The following ELF2 variants were observed in gnomAD, a reference collection of about 807,000 sequenced individuals.
ELF2 encodes ETS-related transcription factor Elf-2.
In ELF2, 11 loss-of-function variants were observed where a neutral mutation model predicts 54.8. The ratio of observed to expected loss-of-function variants is 0.20; its 90% CI spans 0.13 to 0.33. The LOEUF is 0.33. Among genes scored for constraint, ELF2 ranks in the 10% least tolerant of loss-of-function variants. ELF2 has a pLI of 1.00. For missense variants in ELF2, 513 were observed against 703.0 expected (o/e 0.73, Z 3.06); for synonymous variants, 203 against 245.1 (o/e 0.83, Z 1.61).
At chr4:139,073,374 G>T in intron 5 of ELF2, 80 bp downstream of exon 5, 2 of 881,164 alleles carry the variant, frequency 2.3e-6, no homozygotes, top group Non-Finnish European at 1.6e-6. Flanking sequence ...AATTCCATTG[G>T]ATTAAAAAAA....
At chr4:139,089,366 A>C (rs927845597) in intron 4 of ELF2, among the ~76,000 whole-genome samples, 1 of 152,164 alleles carries the variant, frequency 6.6e-6, no homozygotes, top group Non-Finnish European at 1.5e-5. Flanking sequence ...CCCCTTCTCA[A>C]CCAGAACCTG....
Position 139,139,485 on chromosome 4 carries a change from T to C in ELF2, c.-239A>G, listed in dbSNP as rs905749514. On this transcript the variant is annotated 5_prime_UTR_variant, in exon 2 of 10. Coordinates refer to ENST00000686138, the MANE Select transcript of ELF2 (RefSeq NM_001331036.3). ...TGGGAAGAGCTAAAATCTGAACCAG[T>C]AGTTCTTTGGAACTGCCAGCGGGAG... 5 of 1,229,010 alleles carry C rather than the reference T, an allele frequency of 4.1e-6. No homozygotes were observed. The highest frequency in any genetic ancestry group is 3.2e-5 in the East Asian group (1 of 31,468). 76.1% of individuals were successfully genotyped at this position (1,229,010 alleles called of 1,614,324 possible).
chr4:139,089,079 ATACT>A (rs1333204037), intron 4 of ELF2, among the ~76,000 whole-genome samples: 1 of 152,238 alleles, frequency 6.6e-6, no homozygotes, highest in Non-Finnish European at 1.5e-5. Flanking sequence ...TACTATTTCT[ATACT>A]GATTCAAAAA....
At chr4:139,084,103 T>C in intron 4 of ELF2, 2 of 1,612,930 alleles carry the variant, frequency 1.2e-6, no homozygotes, top group Non-Finnish European at 8.5e-7. Context: ...GCTGCACCGA[T>C]GCACGGGAGA....
At chr4:139,073,795 T>C (rs1729872768) in intron 4 of ELF2, 1 of 238,996 alleles carries the variant, frequency 4.2e-6, no homozygotes, top group Non-Finnish European at 7.9e-6. Flanking sequence ...TGATATAAAA[T>C]GAATATTGAT....
chr4:139,146,372 T>C lies in ELF2; in HGVS notation c.-251-6875A>G, dbSNP rs139743850. Among the ~76,000 whole-genome samples the C allele has an allele frequency of 2.6e-3, 390 of 152,200 alleles. 2 individuals are homozygous for C. The highest frequency in any genetic ancestry group is 9.1e-3 in the African/African-American group (377 of 41,552). On this transcript the variant is annotated intron_variant, in intron 1 of 9. Coordinates refer to ENST00000686138, the MANE Select transcript of ELF2 (RefSeq NM_001331036.3). Reference sequence around the variant, plus strand: ...CTACAAACACTGATGAAAGAAACCATAGATAACACAAACAAATGGAAACAC... The same window carrying C: ...CTACAAACACTGATGAAAGAAACCACAGATAACACAAACAAATGGAAACAC...
intron 1 of ELF2, among the ~76,000 whole-genome samples, chr4:139,158,063 C>T (rs1275247599): frequency 1.3e-5 from 2 of 151,874 alleles, no homozygotes; most frequent in South Asian, 2.1e-4. Flanking sequence ...GGGCTGAGTC[C>T]GAAGAAAGAG....
intron 4 of ELF2, among the ~76,000 whole-genome samples, chr4:139,080,622 CAAAT>C (rs1466915548): frequency 2.0e-5 from 3 of 151,900 alleles, no homozygotes; most frequent in Non-Finnish European, 4.4e-5. Flanking sequence ...TAAGAAAAGA[CAAAT>C]AAAGGAAAAA....
chr4:139,074,658 G>T (rs1403457027), intron 4 of ELF2, among the ~76,000 whole-genome samples: 1 of 151,890 alleles, frequency 6.6e-6, no homozygotes, highest in Non-Finnish European at 1.5e-5. Flanking sequence ...TACTCAGGAG[G>T]CTGAGGCAGG....
rs1301186719 is a variant in ELF2, at chr4:139,058,919, C to T, written c.*64G>A. ...CTTCTTTGACTTTTCTTGATGACTT[C>T]CCTTGCAAATGTTTATGTCAGTACT... is the stretch of plus-strand genomic sequence containing the variant. On this transcript the variant is annotated 3_prime_UTR_variant, in exon 10 of 10. Transcript: ENST00000686138. 2 of 1,513,090 alleles carry T rather than the reference C, an allele frequency of 1.3e-6. No homozygotes were observed. Among genetic ancestry groups the T allele is most frequent in the Admixed American group, 4.6e-5 (2 of 43,142 alleles). 93.7% of individuals were successfully genotyped at this position (1,513,090 alleles called of 1,614,324 possible). A position where few individuals can be genotyped will look rare whatever the true frequency, so the allele number is the denominator to read the frequency against.
intron 1 of ELF2, among the ~76,000 whole-genome samples, chr4:139,151,621 A>G (rs1446426364): frequency 6.6e-6 from 1 of 152,158 alleles, no homozygotes; most frequent in Admixed American, 6.6e-5. Context: ...GCCATCCTTG[A>G]GCTATTATTT....
intron 1 of ELF2, among the ~76,000 whole-genome samples, chr4:139,173,534 G>A (rs575514536): frequency 4.1e-4 from 63 of 151,864 alleles, no homozygotes; most frequent in Admixed American, 1.1e-3. Context: ...CGAGGCAGGC[G>A]GATCATGAGG....
chr4:139,086,038 C>A (rs1454328650), intron 4 of ELF2, among the ~76,000 whole-genome samples: 1 of 151,850 alleles, frequency 6.6e-6, no homozygotes, highest in Non-Finnish European at 1.5e-5. Flanking sequence ...AAACAGTCTT[C>A]TATAAAATTT....
At chr4:139,106,865 T>A (rs1443614186) in intron 4 of ELF2, among the ~76,000 whole-genome samples, 1 of 150,282 alleles carries the variant, frequency 6.7e-6, no homozygotes, top group Admixed American at 6.7e-5. Flanking sequence ...TGTCTCAGCC[T>A]CCCAAGCGGC....
At chr4:139,170,850 G>C (rs966486122) in intron 1 of ELF2, among the ~76,000 whole-genome samples, 1 of 151,800 alleles carries the variant, frequency 6.6e-6, no homozygotes, top group Non-Finnish European at 1.5e-5. Flanking sequence ...GGTTTATGCA[G>C]TTCTCCTACC....
At chr4:139,092,394 T>TAACA (rs1171224896) in intron 4 of ELF2, among the ~76,000 whole-genome samples, 3 of 110,506 alleles carry the variant, frequency 2.7e-5, no homozygotes, top group Admixed American at 1.0e-4. Flanking sequence ...TAACATAACA[T>TAACA]AACATAACAT....
chr4:139,082,943 G>T (rs1158926704), intron 4 of ELF2, among the ~76,000 whole-genome samples: 1 of 152,106 alleles, frequency 6.6e-6, no homozygotes, highest in Admixed American at 6.6e-5. Flanking sequence ...CAGTGGCGCC[G>T]CACATCCCCC....
At chr4:139,073,593 A>G in intron 4 of ELF2, 26 bp from the exon 5 acceptor site, 2 of 1,402,546 alleles carry the variant, frequency 1.4e-6, no homozygotes, top group Non-Finnish European at 1.9e-6. Flanking sequence ...GTTCTACTCA[A>G]TTAAAAATAC....
intron 4 of ELF2, among the ~76,000 whole-genome samples, chr4:139,102,882 T>C (rs1037262366): frequency 6.6e-5 from 10 of 151,392 alleles, no homozygotes; most frequent in Non-Finnish European, 1.2e-4. Flanking sequence ...ATCGGAGACA[T>C]AAATGTTTTT....
Sources: allele counts gnomAD v4.1 joint callset (sites outside exome capture counted in the v4.1 genomes callset), GRCh38; gene constraint gnomAD v4.1.1; transcripts MANE v1.5; gene names NCBI Gene and HGNC (gene_info 2026-07-23, HGNC 2026-07-21).